The following GSTCD variants were observed in gnomAD, a reference collection of about 807,000 sequenced individuals.
The protein encoded by GSTCD is glutathione S-transferase C-terminal domain-containing protein.
GSTCD carries 44 observed loss-of-function variants against 68.3 expected under a neutral mutation model. The observed-to-expected ratio is 0.64, with a 90% CI of 0.51 to 0.83. The LOEUF (loss-of-function observed/expected upper bound fraction) is 0.83. Among genes scored for constraint, GSTCD ranks in the 40% least tolerant of loss-of-function variants. The probability of loss-of-function intolerance (pLI) is 0.00; values close to 1 mark genes in which losing one functional copy is unlikely to be tolerated. For missense variants in GSTCD, 739 were observed against 735.9 expected, an observed-to-expected ratio of 1.00 and a Z score of -0.05; for synonymous variants, 273 against 255.2, an observed-to-expected ratio of 1.07 and a Z score of -0.67.
At chr4:105,755,612 C>T (rs1296215081) in intron 5 of GSTCD, among the ~76,000 whole-genome samples, 1 of 151,914 alleles carries the variant, frequency 6.6e-6, no homozygotes, top group Non-Finnish European at 1.5e-5. Flanking sequence ...GTTAAGGGTT[C>T]AGTTCCACAA....
chr4:105,821,003 C>T (rs1284984102), intron 5 of GSTCD: 1 of 151,758 alleles, frequency 6.6e-6, no homozygotes, highest in African/African-American at 2.4e-5. Flanking sequence ...GACTAAGGAA[C>T]TGTTAAGAAA....
chr4:105,709,141 C>G (rs1732424520), intron 1 of GSTCD, 125 bp downstream of exon 1: 1 of 152,470 alleles, frequency 6.6e-6, no homozygotes, highest in Non-Finnish European at 1.5e-5. Flanking sequence ...GGCGTGGTAT[C>G]ATCGTCCTGA....
chr4:105,814,070 C>G (rs911968611), intron 5 of GSTCD, among the ~76,000 whole-genome samples: 6 of 152,088 alleles, frequency 3.9e-5, no homozygotes, highest in Non-Finnish European at 7.4e-5. Context: ...GAGGGAGATT[C>G]AAAATTTCAG....
chr4:105,750,835 A>G (rs10022879), intron 5 of GSTCD, among the ~76,000 whole-genome samples: 1,862 of 152,344 alleles, frequency 0.012, 51 homozygotes, highest in African/African-American at 0.043. Context: ...TAATACTTGC[A>G]ACAAGTTGAA....
chr4:105,807,465 G>T (rs1578492313), intron 5 of GSTCD, among the ~76,000 whole-genome samples: 1 of 152,088 alleles, frequency 6.6e-6, no homozygotes, highest in East Asian at 1.9e-4. Context: ...GTTTTTAGTT[G>T]TCATATATCT....
intron 5 of GSTCD, among the ~76,000 whole-genome samples, chr4:105,730,066 A>G (rs921419429): frequency 3.3e-5 from 5 of 152,242 alleles, no homozygotes; most frequent in African/African-American, 1.2e-4. Flanking sequence ...TACAAAGGAC[A>G]TGAACTCATC....
At chr4:105,840,156 G>A (rs1724281036) in intron 10 of GSTCD, 1 of 447,602 alleles carries the variant, frequency 2.2e-6, no homozygotes, top group Non-Finnish European at 4.5e-6. Flanking sequence ...ATAAAATATG[G>A]TGAGACTTAT....
intron 1 of GSTCD, among the ~76,000 whole-genome samples, chr4:105,714,303 A>G (rs1021947836): frequency 2.0e-5 from 3 of 152,208 alleles, no homozygotes; most frequent in South Asian, 4.1e-4. Context: ...AAATTACTCT[A>G]TTTCTGTGCT....
At chr4:105,770,947 A>C (rs1734820937) in intron 5 of GSTCD, among the ~76,000 whole-genome samples, 1 of 152,184 alleles carries the variant, frequency 6.6e-6, no homozygotes, top group South Asian at 2.1e-4. Flanking sequence ...GAATCGCCAC[A>C]CTGTCTTCCA....
intron 5 of GSTCD, among the ~76,000 whole-genome samples, chr4:105,811,353 T>TA (rs1722741111): frequency 6.6e-6 from 1 of 152,022 alleles, no homozygotes; most frequent in South Asian, 2.1e-4. Flanking sequence ...ACTGCATGTT[T>TA]AAAACCTCAG....
intron 5 of GSTCD, among the ~76,000 whole-genome samples, chr4:105,811,498 A>G (rs1164091066): frequency 8.2e-6 from 1 of 122,440 alleles, no homozygotes. Context: ...TTAAAAATCT[A>G]GGAAGGGGAA....
chr4:105,756,756 A>G (rs1734212451), intron 5 of GSTCD, among the ~76,000 whole-genome samples: 1 of 152,062 alleles, frequency 6.6e-6, no homozygotes, highest in African/African-American at 2.4e-5. Context: ...CTGACAGAGT[A>G]ATTGTGGAAA....
intron 5 of GSTCD, among the ~76,000 whole-genome samples, chr4:105,769,017 G>A (rs941450982): frequency 6.6e-6 from 1 of 151,680 alleles, no homozygotes; most frequent in Non-Finnish European, 1.5e-5. Flanking sequence ...AATAAAACAA[G>A]TATAGAACAA....
intron 5 of GSTCD, among the ~76,000 whole-genome samples, chr4:105,767,244 T>G (rs1476352973): frequency 1.3e-5 from 2 of 152,198 alleles, no homozygotes; most frequent in Non-Finnish European, 2.9e-5. Context: ...TCGGATGCAA[T>G]GATTGGCTGA....
chr4:105,788,449 A>G (rs1391202943), intron 5 of GSTCD, among the ~76,000 whole-genome samples: 1 of 152,054 alleles, frequency 6.6e-6, no homozygotes, highest in African/African-American at 2.4e-5. Context: ...ATAATTTAAA[A>G]TTTACTGGAA....
intron 5 of GSTCD, among the ~76,000 whole-genome samples, chr4:105,810,149 A>T (rs544310182): frequency 6.6e-6 from 1 of 152,228 alleles, no homozygotes; most frequent in Non-Finnish European, 1.5e-5. Context: ...GAAAGTTCTA[A>T]CTTCTCTGTA....
chr4:105,824,684 C>G (rs188809058), intron 7 of GSTCD, among the ~76,000 whole-genome samples: 8 of 152,252 alleles, frequency 5.3e-5, no homozygotes, highest in Admixed American at 5.2e-4. Context: ...CCAATCCATA[C>G]CATACATTAC....
intron 5 of GSTCD, among the ~76,000 whole-genome samples, chr4:105,745,178 C>G (rs72671881): frequency 0.054 from 8,183 of 152,212 alleles, 252 homozygotes; most frequent in Middle Eastern, 0.14. Flanking sequence ...ATGGATAGTA[C>G]TTTCAGAATT....
chr4:105,829,187 T>TAA (rs761947774), intron 8 of GSTCD, among the ~76,000 whole-genome samples: 2 of 114,952 alleles, frequency 1.7e-5, no homozygotes, highest in Admixed American at 9.0e-5. Flanking sequence ...CAGCTATAAT[T>TAA]AAAAAAAAAA....
Sources: allele counts gnomAD v4.1 joint callset (sites outside exome capture counted in the v4.1 genomes callset), GRCh38; gene constraint gnomAD v4.1.1; transcripts MANE v1.5; gene names NCBI Gene and HGNC (gene_info 2026-07-23, HGNC 2026-07-21).